CDC42BPA: variants seen among roughly 807,000 people sequenced by gnomAD.
CDC42BPA encodes the protein serine/threonine-protein kinase MRCK alpha.
CDC42BPA carries 80 observed loss-of-function variants against 223.5 expected under a neutral mutation model. That is an observed-to-expected ratio of 0.36 (90% CI 0.30 to 0.43). The LOEUF is 0.43. Among genes scored for constraint, CDC42BPA ranks in the 20% least tolerant of loss-of-function variants. The pLI is 1.00. For synonymous variants in CDC42BPA, 694 were observed against 718.6 expected, an observed-to-expected ratio of 0.97 and a Z score of 0.55; for missense variants, 1,743 against 2,099.9, an observed-to-expected ratio of 0.83 and a Z score of 3.32.
At chr1:227,053,242 G>T (rs538604334) in intron 21 of CDC42BPA, among the ~76,000 whole-genome samples, 1 of 152,260 alleles carries the variant, frequency 6.6e-6, no homozygotes, top group Admixed American at 6.5e-5. Context: ...AAAACATCTG[G>T]CAAGTGTATG....
intron 12 of CDC42BPA, 26 bp from the exon 13 acceptor site, chr1:227,112,939 G>A: frequency 1.2e-6 from 2 of 1,606,688 alleles, no homozygotes; most frequent in East Asian, 2.2e-5. Context: ...AAGAATATAA[G>A]TTACCAATTC....
intron 5 of CDC42BPA, among the ~76,000 whole-genome samples, chr1:227,191,919 G>A (rs1005460063): frequency 2.0e-5 from 3 of 150,678 alleles, no homozygotes. Context: ...AGGAGTTCAA[G>A]ACCAGCCTGA....
At chr1:227,238,038 CAAAAAAAAAAA>C (rs35731369) in intron 2 of CDC42BPA, among the ~76,000 whole-genome samples, 2 of 91,302 alleles carry the variant, frequency 2.2e-5, no homozygotes, top group African/African-American at 4.6e-5. Context: ...AACTCTGTCT[CAAAAAAAAAAA>C]AAAAAAAAAA....
At chr1:227,285,197 A>AACT (rs778234823) in intron 1 of CDC42BPA, among the ~76,000 whole-genome samples, 2 of 152,192 alleles carry the variant, frequency 1.3e-5, no homozygotes, top group African/African-American at 2.4e-5. Context: ...AATGGTCTGG[A>AACT]ACTATGATTC....
chr1:227,136,863 G>A (rs1193276722), intron 10 of CDC42BPA, among the ~76,000 whole-genome samples: 1 of 152,116 alleles, frequency 6.6e-6, no homozygotes, highest in East Asian at 1.9e-4. Flanking sequence ...TCAAGAATTT[G>A]TCACAACACA....
At chr1:227,057,719 A>G (rs1253206190) in intron 21 of CDC42BPA, among the ~76,000 whole-genome samples, 3 of 152,246 alleles carry the variant, frequency 2.0e-5, no homozygotes, top group Non-Finnish European at 4.4e-5. Flanking sequence ...ATATGTAATA[A>G]TAAGTCAATA....
intron 31 of CDC42BPA, among the ~76,000 whole-genome samples, chr1:227,025,277 A>G (rs988393999): frequency 6.6e-6 from 1 of 152,166 alleles, no homozygotes; most frequent in Non-Finnish European, 1.5e-5. Context: ...TCCACAGAAA[A>G]GTAATAATGA....
rs945644011 is a variant in CDC42BPA, at chr1:227,294,676, A to C, written c.178+22329T>G. On this transcript the variant is annotated intron_variant, in intron 1 of 36. Transcript: ENST00000366766. The stretch of plus-strand genomic sequence containing the variant: ...GAGATCGAGACCATCCTGGCTAACA[A>C]GGTGAAACCCCGTCTCTACTAAAAA... 5.6e-5 allele frequency among the ~76,000 whole-genome samples: 7 copies of C among 124,440 alleles called. 2 individuals are homozygous for C. The highest frequency in any genetic ancestry group is 1.2e-4 in the African/African-American group (4 of 32,050). 81.6% of individuals were successfully genotyped at this position (124,440 alleles called of 152,430 possible). A position where few individuals can be genotyped will look rare whatever the true frequency, so the allele number is the denominator to read the frequency against.
At chr1:227,001,238 A>G (rs1185736103) in intron 35 of CDC42BPA, among the ~76,000 whole-genome samples, 1 of 152,192 alleles carries the variant, frequency 6.6e-6, no homozygotes, top group Non-Finnish European at 1.5e-5. Flanking sequence ...AACATTTTAT[A>G]TGAGCTGGGC....
chr1:227,193,747 TG>T, intron 5 of CDC42BPA, 38 bp downstream of exon 5: 1 of 1,501,136 alleles, frequency 6.7e-7, no homozygotes, highest in Non-Finnish European at 9.0e-7. Context: ...AGATATTACA[TG>T]GTAACTCACA....
At chr1:227,018,042 A>ATTATTATTG (rs2148514951) in intron 32 of CDC42BPA, among the ~76,000 whole-genome samples, 1 of 148,244 alleles carries the variant, frequency 6.7e-6, no homozygotes, top group East Asian at 2.0e-4. Context: ...AATTATTATT[A>ATTATTATTG]TTATTATTAT....
intron 3 of CDC42BPA, among the ~76,000 whole-genome samples, chr1:227,202,834 G>A (rs1013820795): frequency 2.0e-5 from 3 of 151,852 alleles, no homozygotes; most frequent in Non-Finnish European, 2.9e-5. Flanking sequence ...GAAGGCTGAG[G>A]CAGAAAGATC....
intron 1 of CDC42BPA, among the ~76,000 whole-genome samples, chr1:227,282,016 C>T (rs1688087801): frequency 6.6e-6 from 1 of 151,834 alleles, no homozygotes; most frequent in African/African-American, 2.4e-5. Flanking sequence ...ATGGAGAAAC[C>T]CCGTCTCTAC....
At chr1:227,237,215 T>G (rs1196156446) in intron 2 of CDC42BPA, among the ~76,000 whole-genome samples, 2 of 140,218 alleles carry the variant, frequency 1.4e-5, no homozygotes, top group South Asian at 2.2e-4. Flanking sequence ...CCTTAAATGA[T>G]TCATGGAACT....
chr1:227,278,920 TAG>T (rs1687569785), intron 1 of CDC42BPA, among the ~76,000 whole-genome samples: 1 of 152,138 alleles, frequency 6.6e-6, no homozygotes, highest in Admixed American at 6.5e-5. Flanking sequence ...GATGTGATTT[TAG>T]AGAAGCAGAA....
intron 17 of CDC42BPA, among the ~76,000 whole-genome samples, chr1:227,075,761 A>G (rs1180494816): frequency 6.6e-6 from 1 of 152,140 alleles, no homozygotes; most frequent in East Asian, 1.9e-4. Context: ...TATAGTAACA[A>G]TAAAGAAAAC....
In CDC42BPA at chr1:226,991,968, G is replaced by A. The variant is rs1558225836; in HGVS notation, c.*2300C>T. ...AAGGGAAGAGGAGGATGGGGAGGGT[G>A]GGGATGGGGAGGGTGGGAAGAGTGA... On this transcript the variant is annotated 3_prime_UTR_variant, in exon 37 of 37. Coordinates refer to ENST00000366766, the MANE Select transcript of CDC42BPA (RefSeq NM_001394014.1). 7.0e-6 allele frequency: 1 copy of A among 142,910 alleles called. No homozygotes were observed. Among genetic ancestry groups the A allele is most frequent in the Non-Finnish European group, 1.5e-5 (1 of 65,366 alleles). 8.9% of individuals were successfully genotyped at this position (142,910 alleles called of 1,614,324 possible).
chr1:227,241,913 T>TA (rs1680086998), intron 2 of CDC42BPA, among the ~76,000 whole-genome samples: 1 of 152,138 alleles, frequency 6.6e-6, no homozygotes, highest in Non-Finnish European at 1.5e-5. Context: ...ACACCAATCT[T>TA]ACACAAATGC....
chr1:227,093,362 T>C (rs1041833047), intron 15 of CDC42BPA, among the ~76,000 whole-genome samples: 5 of 152,170 alleles, frequency 3.3e-5, no homozygotes, highest in Admixed American at 3.3e-4. Context: ...GGATTCAGAA[T>C]GAGTGCAGTC....
Sources: allele counts gnomAD v4.1 joint callset (sites outside exome capture counted in the v4.1 genomes callset), GRCh38; gene constraint gnomAD v4.1.1; transcripts MANE v1.5; gene names NCBI Gene and HGNC (gene_info 2026-07-23, HGNC 2026-07-21).